Variants in TXLNB observed in about 807,000 individuals in gnomAD.
TXLNB encodes the protein beta-taxilin.
A neutral mutation model predicts 57.4 loss-of-function variants in TXLNB; 37 were observed. The observed-to-expected ratio is 0.64, with a 90% CI of 0.50 to 0.85. The LOEUF (loss-of-function observed/expected upper bound fraction) is 0.85. TXLNB is among the 40% of genes least tolerant of loss of function. The pLI is 0.00. For synonymous variants in TXLNB, 302 were observed against 309.6 expected (o/e 0.98, Z 0.26); for missense variants, 848 against 825.6 (o/e 1.03, Z -0.33).
rs185687582 is a variant in TXLNB, at chr6:139,260,864, T to C, written c.883-427A>G. ...TAAAACCACTTTTAATTGCAACACT[T>C]GTGCAATTTATCATGATGAATTCTC... On this transcript the variant is annotated intron_variant, in intron 5 of 9. Transcript: ENST00000358430. 1.9e-4 allele frequency among the ~76,000 whole-genome samples: 29 copies of C among 152,308 alleles called. No individual in the cohort carries two copies. In the Middle Eastern group the frequency reaches 0.01, roughly 54 times the overall value.
At chr6:139,202,693 T>C in the TXLNB span, among the ~76,000 whole-genome samples, 52 of 152,378 alleles carry the variant, frequency 3.4e-4, no homozygotes, top group African/African-American at 1.3e-3. Context: ...CCAACATTTA[T>C]CATTTTTTGT....
At chr6:139,299,307 A>G in the TXLNB span, among the ~76,000 whole-genome samples, 2 of 152,194 alleles carry the variant, frequency 1.3e-5, no homozygotes, top group Non-Finnish European at 2.9e-5. Flanking sequence ...TTTTTGTGGC[A>G]TTCTGCTTCC....
At chr6:139,311,715 C>T in the TXLNB span, among the ~76,000 whole-genome samples, 6 of 152,160 alleles carry the variant, frequency 3.9e-5, no homozygotes, top group African/African-American at 1.4e-4. Flanking sequence ...ATCAAGAGAA[C>T]AGGACCGCGT....
chr6:139,294,753 G>T (rs575337284), upstream of TXLNB, among the ~76,000 whole-genome samples: 2 of 152,182 alleles, frequency 1.3e-5, no homozygotes, highest in Non-Finnish European at 2.9e-5. Flanking sequence ...ACGTTGGGAG[G>T]CCAAGGCAGG....
the TXLNB span, chr6:139,167,171 G>A: frequency 1.1e-5 from 18 of 1,614,020 alleles, no homozygotes; most frequent in East Asian, 1.6e-4. Context: ...CATTCTGGCC[G>A]CGCTCAGTGC....
chr6:139,239,015 G>C (rs944658516), downstream of TXLNB: 5 of 152,152 alleles, frequency 3.3e-5, no homozygotes, highest in African/African-American at 9.7e-5. The surrounding 1 kb of genome is among the most constrained non-coding windows in gnomAD (Gnocchi z 4.7). Context: ...TCTCAAAAAA[G>C]GGGCTATTTA....
chr6:139,283,113 G>A (rs1452701055), intron 2 of TXLNB: 1 of 145,088 alleles, frequency 6.9e-6, no homozygotes. Flanking sequence ...GATGCCAAGG[G>A]GAAAGTGACT....
chr6:139,317,356 C>G, the TXLNB span, among the ~76,000 whole-genome samples: 4 of 150,832 alleles, frequency 2.7e-5, no homozygotes, highest in Non-Finnish European at 4.4e-5. Context: ...AATACTAAAG[C>G]AGAAACAATA....
chr6:139,255,584 C>T lies in TXLNB; in HGVS notation c.1057G>A (p.Glu353Lys), dbSNP rs1776316254. The change falls in exon 7 of 10, where the codon GAG becomes AAG. Residue 353 changes from glutamate (E) to lysine (K), a missense_variant. Physicochemically the swap from Glu to Lys is moderately conservative, Grantham distance 56. Coordinates refer to ENST00000358430, the MANE Select transcript of TXLNB (RefSeq NM_153235.4). Reference sequence around the variant, plus strand: ...CTCACCTGAGCCTGCAGGACTGTCTCTTGCTCCTTCAGCACTTTCGCCTGA... The same window carrying T: ...CTCACCTGAGCCTGCAGGACTGTCTTTTGCTCCTTCAGCACTTTCGCCTGA... ...KLQAKVLKEQETVLQAQLTLY... is the reference protein window; with the variant it reads ...KLQAKVLKEQKTVLQAQLTLY... 1 of 1,613,830 alleles carries T rather than the reference C, an allele frequency of 6.2e-7. No individual in the cohort carries two copies. Among genetic ancestry groups the T allele is most frequent in the Non-Finnish European group, 8.5e-7 (1 of 1,179,906 alleles).
chr6:139,202,047 T>C, the TXLNB span, among the ~76,000 whole-genome samples: 2 of 152,232 alleles, frequency 1.3e-5, no homozygotes, highest in Non-Finnish European at 2.9e-5. Context: ...TTTCTTTTGA[T>C]TGAAATGATG....
chr6:139,178,338 C>T, the TXLNB span: 3 of 152,176 alleles, frequency 2.0e-5, no homozygotes, highest in Admixed American at 6.5e-5. Context: ...AATAGACTGA[C>T]GTCGCATACC....
the TXLNB span, chr6:139,174,313 AT>A: frequency 2.0e-6 from 3 of 1,501,564 alleles, no homozygotes; most frequent in Non-Finnish European, 2.7e-6. Context: ...TAGATGAAAC[AT>A]TTTTATCTCC....
intron 6 of TXLNB, among the ~76,000 whole-genome samples, chr6:139,259,713 G>A (rs1014051088): frequency 1.3e-5 from 2 of 152,130 alleles, no homozygotes; most frequent in Non-Finnish European, 1.5e-5. Context: ...CATAGTGGGA[G>A]ATGCCCCTTC....
the TXLNB span, chr6:139,174,333 G>A: frequency 1.3e-6 from 2 of 1,555,700 alleles, no homozygotes; most frequent in South Asian, 1.2e-5. Flanking sequence ...CCTTGGAGAT[G>A]AAATGTGATT....
At chr6:139,304,560 C>T in the TXLNB span, among the ~76,000 whole-genome samples, 4 of 152,152 alleles carry the variant, frequency 2.6e-5, no homozygotes, top group African/African-American at 7.2e-5. Flanking sequence ...CTCATGTGAG[C>T]TGAAACAAGT....
At chr6:139,180,510 A>G in the TXLNB span, 1 of 152,640 alleles carries the variant, frequency 6.6e-6, no homozygotes, top group South Asian at 2.1e-4. Flanking sequence ...ATTTCCTATA[A>G]TAGGATGCTG....
chr6:139,203,929 A>T, the TXLNB span, among the ~76,000 whole-genome samples: 16 of 152,286 alleles, frequency 1.1e-4, no homozygotes, highest in Admixed American at 2.0e-4. Context: ...TGAATTTTTT[A>T]AAAAAACATT....
the TXLNB span, among the ~76,000 whole-genome samples, chr6:139,322,210 T>C: frequency 6.6e-6 from 1 of 151,938 alleles, no homozygotes; most frequent in Non-Finnish European, 1.5e-5. Context: ...TACCACAGAG[T>C]GGGTAATTTA....
At chr6:139,194,003 G>A in the TXLNB span, among the ~76,000 whole-genome samples, 4,425 of 150,382 alleles carry the variant, frequency 0.029, 203 homozygotes, top group South Asian at 0.12. Context: ...CACCACGCCC[G>A]GCCAATTTTT....
Sources: gnomAD v4.1 joint callset for allele counts (sites outside exome capture counted in the v4.1 genomes callset) on GRCh38, gnomAD v4.1.1 for gene constraint, Gnocchi (gnomAD v3.1) non-coding constraint, MANE v1.5 for transcripts, NCBI Gene and HGNC (gene_info 2026-07-23, HGNC 2026-07-21) for gene names.